Variants in KCNN2 observed in about 807,000 individuals in gnomAD.
KCNN2 encodes small conductance calcium-activated potassium channel protein 2.
KCNN2 carries 24 observed loss-of-function variants against 55.5 expected under a neutral mutation model. The ratio of observed to expected loss-of-function variants is 0.43; its 90% CI spans 0.31 to 0.61. The LOEUF is 0.61. Among genes scored for constraint, KCNN2 ranks in the 20% least tolerant of loss-of-function variants. The pLI is 0.08. For missense variants in KCNN2, 754 were observed against 853.6 expected (o/e 0.88, Z 1.45); for synonymous variants, 431 against 336.1 (o/e 1.28, Z -3.09).
In KCNN2 at chr5:114,399,173, G is replaced by C. The variant is rs1278996958; in HGVS notation, c.1219-5265G>C. ...TAGCCTTTTCAGCATGATGTTGGCT[G>C]TGGGTTTGTCATAGATTGCTCTTAT... On this transcript the variant is annotated intron_variant, in intron 2 of 7. Coordinates refer to ENST00000673685, the MANE Select transcript of KCNN2 (RefSeq NM_021614.4). 2.0e-4 allele frequency among the ~76,000 whole-genome samples: 30 copies of C among 152,198 alleles called. 1 individual carries two copies. The highest frequency in any genetic ancestry group is 2.0e-3 in the Admixed American group (30 of 15,282).
Position 114,342,102 on chromosome 5 carries a change from C to T in KCNN2, c.-184-18843C>T, listed in dbSNP as rs182717253. ...ATTTTTAGTAGAGACGGGGTTTCGC[C>T]GTGTTAGCCAGGATGGTCTCGATCT... On this transcript the variant is annotated intron_variant, in intron 2 of 10. Coordinates refer to the KCNN2 transcript ENST00000512097. 2.7e-3 allele frequency among the ~76,000 whole-genome samples: 407 copies of T among 152,100 alleles called. 2 individuals are homozygous for T. Among genetic ancestry groups the T allele is most frequent in the Non-Finnish European group, 3.7e-3 (254 of 67,988 alleles).
intron 2 of KCNN2, among the ~76,000 whole-genome samples, chr5:114,222,476 C>A (rs1031851792): frequency 1.2e-4 from 19 of 152,116 alleles, no homozygotes; most frequent in African/African-American, 4.3e-4. Context: ...GATTCTGAGA[C>A]CATGAAGTCA....
intron 1 of KCNN2, among the ~76,000 whole-genome samples, chr5:114,070,490 C>T (rs1185596598): frequency 6.6e-6 from 1 of 152,232 alleles, no homozygotes; most frequent in African/African-American, 2.4e-5. Context: ...TCTGAAAAAG[C>T]TTCCCGGGCT....
chr5:114,122,932 ATTATGTAG>A (rs1174225873), intron 1 of KCNN2, among the ~76,000 whole-genome samples: 1 of 152,234 alleles, frequency 6.6e-6, no homozygotes, highest in Non-Finnish European at 1.5e-5. Flanking sequence ...AAATATCTGC[ATTATGTAG>A]TTAGGAACAC....
At chr5:114,404,187 C>G (rs977092021) in intron 2 of KCNN2, among the ~76,000 whole-genome samples, 1 of 152,136 alleles carries the variant, frequency 6.6e-6, no homozygotes, top group African/African-American at 2.4e-5. Flanking sequence ...ATGATGTTTA[C>G]GTGATTGTCC....
chr5:114,205,736 A>T (rs997142157), intron 1 of KCNN2, among the ~76,000 whole-genome samples: 1 of 152,242 alleles, frequency 6.6e-6, no homozygotes, highest in African/African-American at 2.4e-5. Flanking sequence ...TAAGGCTACA[A>T]CATCTTTATT....
chr5:114,245,913 A>G (rs79963925), intron 2 of KCNN2, among the ~76,000 whole-genome samples: 388 of 152,312 alleles, frequency 2.5e-3, no homozygotes, highest in African/African-American at 9.0e-3. Context: ...TGTTCTCAGC[A>G]TATCTACTAA....
intron 1 of KCNN2, among the ~76,000 whole-genome samples, chr5:114,100,213 C>T (rs1365854537): frequency 4.6e-5 from 7 of 151,760 alleles, no homozygotes; most frequent in Non-Finnish European, 4.4e-5. Flanking sequence ...GGAAAACCCC[C>T]AAGATTAAAT....
chr5:114,148,106 A>G (rs187253948), intron 1 of KCNN2, among the ~76,000 whole-genome samples: 71 of 152,334 alleles, frequency 4.7e-4, no homozygotes, highest in African/African-American at 1.2e-3. Flanking sequence ...CTTTCCATTC[A>G]TATCTAGCTG....
chr5:114,303,285 C>T (rs1281918766), intron 2 of KCNN2, among the ~76,000 whole-genome samples: 2 of 152,186 alleles, frequency 1.3e-5, no homozygotes, highest in South Asian at 2.1e-4. Flanking sequence ...ATTCATTATA[C>T]TAATTTTTAG....
rs577904972 is a variant in KCNN2, at chr5:114,362,964, C to G, written c.825C>G (p.Ala275=). 6.3e-7 allele frequency: 1 copy of G among 1,589,018 alleles called. No individual in the cohort carries two copies. The highest frequency in any genetic ancestry group is 1.3e-5 in the African/African-American group (1 of 74,710). ...AAAAAAVSSS[A]PEIVVSKPEH... ...CCGCCGCCGCTGTTTCGTCCTCAGC[C>G]CCCGAGATCGTGGTGTCTAAGCCCG... The change falls in exon 1 of 8, where the codon GCC becomes GCG. Residue 275 remains alanine, a synonymous_variant. Transcript: ENST00000673685.
intron 2 of KCNN2, among the ~76,000 whole-genome samples, chr5:114,384,072 C>A (rs1324553042): frequency 6.6e-6 from 1 of 152,064 alleles, no homozygotes; most frequent in African/African-American, 2.4e-5. Flanking sequence ...TTCAAAGGTT[C>A]TTTTGTTTTC....
At chr5:114,447,350 T>C (rs947042613) in intron 3 of KCNN2, among the ~76,000 whole-genome samples, 17 of 152,230 alleles carry the variant, frequency 1.1e-4, no homozygotes, top group Non-Finnish European at 2.2e-4. Context: ...GATCCAGCTA[T>C]TGTATTTGGC....
chr5:114,307,508 A>C (rs1756308291), intron 2 of KCNN2, among the ~76,000 whole-genome samples: 1 of 152,058 alleles, frequency 6.6e-6, no homozygotes, highest in African/African-American at 2.4e-5. Flanking sequence ...CCATTCTAGA[A>C]TCATAGCCTC....
chr5:114,145,992 T>A (rs12513477), intron 1 of KCNN2, among the ~76,000 whole-genome samples: 1 of 152,178 alleles, frequency 6.6e-6, no homozygotes, highest in African/African-American at 2.4e-5. Flanking sequence ...GTCTCGTTGT[T>A]GCATGCATCT....
chr5:114,318,696 T>C lies in KCNN2; in HGVS notation c.-184-42249T>C, dbSNP rs1027204754. 9.3e-4 allele frequency among the ~76,000 whole-genome samples: 142 copies of C among 152,118 alleles called. 1 individual carries two copies. Among genetic ancestry groups the C allele is most frequent in the African/African-American group, 3.4e-3 (140 of 41,526 alleles). On this transcript the variant is annotated intron_variant, in intron 2 of 10. Transcript: ENST00000512097. ...GCAGGCACTGTAATTACATTCTTTCTGTAATCTAGATTTACTCAGGGTTCA... is the reference window on the plus strand; with the variant it reads ...GCAGGCACTGTAATTACATTCTTTCCGTAATCTAGATTTACTCAGGGTTCA...
At position 114,198,325 on chromosome 5, in the gene KCNN2, CATAT is replaced by C. The variant is rs55707223; in HGVS notation, c.-270-23141_-270-23138del. ...ACTAGAATTACTTTTGCACCAACCT[CATAT>C]ATATATATATATACGTGTATATATA... is the stretch of plus-strand genomic sequence containing the variant. On this transcript the variant is annotated intron_variant, in intron 1 of 10. Transcript: ENST00000512097. Among the ~76,000 whole-genome samples, 420 of 146,562 alleles carry C rather than the reference CATAT, an allele frequency of 2.9e-3. 1 individual carries two copies. The highest frequency in any genetic ancestry group is 9.4e-3 in the African/African-American group (378 of 40,022).
rs1347338421 is a variant in KCNN2 at position 114,362,928 on chromosome 5, A to AGCCGCAGCC, written c.794_795insAGCCGCCGC (p.Ala268_Ala270dup). ...GTGGCGGCGCGTCCTCCCCGTCTGC[A>AGCCGCAGCC]GCCGCTGCCGCCGCCGCCGCTGTTT... On this transcript the variant is annotated inframe_insertion, in exon 1 of 8. Coordinates refer to ENST00000673685, the MANE Select transcript of KCNN2 (RefSeq NM_021614.4). The AGCCGCAGCC allele has an allele frequency of 6.4e-7, 1 of 1,556,626 alleles. No homozygotes were observed. Among genetic ancestry groups the AGCCGCAGCC allele is most frequent in the Non-Finnish European group, 8.6e-7 (1 of 1,162,476 alleles).
At chr5:114,099,659 A>G (rs1751334971) in intron 1 of KCNN2, among the ~76,000 whole-genome samples, 1 of 152,060 alleles carries the variant, frequency 6.6e-6, no homozygotes, top group Non-Finnish European at 1.5e-5. Context: ...TTTTCACTTC[A>G]TATTTAGAGT....
Sources: allele counts gnomAD v4.1 joint callset (sites outside exome capture counted in the v4.1 genomes callset), GRCh38; gene constraint gnomAD v4.1.1; transcripts MANE v1.5; gene names NCBI Gene and HGNC (gene_info 2026-07-23, HGNC 2026-07-21).